SGSM3: variants seen among roughly 807,000 people sequenced by gnomAD.
SGSM3 encodes RUN and SH3 containing 3.
SGSM3 carries 96 observed loss-of-function variants against 100.5 expected under a neutral mutation model. The ratio of observed to expected loss-of-function variants is 0.96; its 90% CI spans 0.81 to 1.13. The LOEUF is 1.13. Among genes scored for constraint, SGSM3 ranks in the 50% most tolerant of loss-of-function variants. SGSM3 has a pLI of 0.00. For synonymous variants in SGSM3, 483 were observed against 422.8 expected (o/e 1.14, Z -1.75); for missense variants, 1,001 against 1,015.8 (o/e 0.99, Z 0.20).
intron 1 of SGSM3, chr22:40,376,179 T>G (rs1046272431): frequency 3.7e-4 from 2 of 5,460 alleles, no homozygotes; most frequent in Non-Finnish European, 2.8e-4. Flanking sequence ...AAATTACCAC[T>G]TTTTTTTTTT....
intron 7 of SGSM3, among the ~76,000 whole-genome samples, 172 bp from the exon 8 acceptor site, chr22:40,405,477 C>T (rs1352325333): frequency 6.6e-6 from 1 of 152,182 alleles, no homozygotes. Flanking sequence ...AGGCGCTCCC[C>T]AAGGGATGTG....
Position 40,406,530 on chromosome 22 carries a change from G to T in SGSM3, c.1053G>T (p.Leu351=), listed in dbSNP as rs773305199. 35 of 1,613,004 alleles carry T rather than the reference G, an allele frequency of 2.2e-5. No individual in the cohort carries two copies. In the Admixed American group the frequency reaches 3.0e-4, roughly 14 times the overall value. ...PSQMEDAELL[L]GVAMRLAGSL... is the part of the protein sequence containing the mutation. ...AGATGGAGGACGCGGAGCTGCTTCT[G>T]GGGGTGGCCATGCGGCTGGCCGGCT... Residue 351 remains leucine, a synonymous_variant, in exon 10 of 22, where the codon CTG becomes CTT. Transcript: ENST00000248929.
chr22:40,383,187 G>T (rs564094464), intron 1 of SGSM3, among the ~76,000 whole-genome samples: 23 of 152,222 alleles, frequency 1.5e-4, no homozygotes, highest in Middle Eastern at 3.4e-3. Flanking sequence ...AGTAGGAACG[G>T]CCGGGTGCAG....
chr22:40,391,456 A>G (rs1159734981), intron 1 of SGSM3, among the ~76,000 whole-genome samples: 1 of 152,156 alleles, frequency 6.6e-6, no homozygotes, highest in African/African-American at 2.4e-5. Context: ...AAAAAATAAA[A>G]GAAAATTAGC....
chr22:40,403,594 A>G (rs543676549), intron 4 of SGSM3, among the ~76,000 whole-genome samples: 1 of 152,220 alleles, frequency 6.6e-6, no homozygotes, highest in Non-Finnish European at 1.5e-5. Flanking sequence ...CTTTCAGACC[A>G]TGTCATTGGA....
intron 1 of SGSM3, among the ~76,000 whole-genome samples, chr22:40,386,637 G>A (rs1281111971): frequency 7.1e-6 from 1 of 140,796 alleles, no homozygotes; most frequent in African/African-American, 2.7e-5. Context: ...GCCCAGGCTG[G>A]TCTTGAACTC....
chr22:40,401,816 C>T, intron 3 of SGSM3, 141 bp downstream of exon 3: 1 of 712,942 alleles, frequency 1.4e-6, no homozygotes. Flanking sequence ...ATCTTAGCCC[C>T]ATGTTTCCTG....
chr22:40,378,092 A>G (rs1298456878), intron 1 of SGSM3: 1 of 152,214 alleles, frequency 6.6e-6, no homozygotes, highest in Non-Finnish European at 1.5e-5. Context: ...AAATTGTTCA[A>G]GCCAAGACAA....
At chr22:40,409,581 C>T (rs537314181) in intron 21 of SGSM3, 56 bp downstream of exon 21, 233 of 1,612,986 alleles carry the variant, frequency 1.4e-4, no homozygotes, top group Middle Eastern at 3.3e-4. Flanking sequence ...AAACCGTTCG[C>T]GGGGTGGCTA....
Position 40,410,110 on chromosome 22 carries a change from C to G in SGSM3, c.*351C>G, listed in dbSNP as rs1569238982. The stretch of plus-strand genomic sequence containing the variant: ...TAAACTGTGTCTGTCTTTGAGAAAG[C>G]ACCTACCTGTCTTCTGTGCAGCTAG... On this transcript the variant is annotated 3_prime_UTR_variant, in exon 22 of 22. Coordinates refer to ENST00000248929, the MANE Select transcript of SGSM3 (RefSeq NM_015705.6). 3.4e-6 allele frequency: 4 copies of G among 1,159,646 alleles called. No homozygotes were observed. Among genetic ancestry groups the G allele is most frequent in the African/African-American group, 1.6e-5 (1 of 62,598 alleles). The allele number at this position is 1,159,646 out of a possible 1,614,324, so 71.8% of individuals were successfully genotyped here. A position where few individuals can be genotyped will look rare whatever the true frequency, so the allele number is the denominator to read the frequency against.
Position 40,408,120 on chromosome 22 carries a change from G to C in SGSM3, c.1629G>C (p.Glu543Asp). 1 of 1,612,786 alleles carries C rather than the reference G, an allele frequency of 6.2e-7. No individual in the cohort carries two copies. Among genetic ancestry groups the C allele is most frequent in the Non-Finnish European group, 8.5e-7 (1 of 1,179,394 alleles). The change falls in exon 15 of 22, where the codon GAG (glutamate) becomes GAC (aspartate). Residue 543 changes from glutamate (E) to aspartate (D), a missense_variant and splice_region_variant. By Grantham distance (45) the Glu-to-Asp change is conservative (BLOSUM62 2). Transcript: ENST00000248929. ...AAGTCCTGGATGAGCGCAGCAAAGA[G>C]GTGAGGGGGGTGGGCGGGCTAGGCA... The part of the protein sequence containing the change: ...FVEVLDERSK[E>D]YSIAGDDSVT...
At chr22:40,405,546 C>T (rs887776582) in intron 7 of SGSM3, 103 bp from the exon 8 acceptor site, 4 of 1,102,790 alleles carry the variant, frequency 3.6e-6, no homozygotes, top group Non-Finnish European at 5.2e-6. Context: ...GCATGCGTGC[C>T]CCCCAAGAGG....
intron 1 of SGSM3, among the ~76,000 whole-genome samples, chr22:40,396,408 A>G (rs904044591): frequency 6.6e-6 from 1 of 152,076 alleles, no homozygotes; most frequent in Non-Finnish European, 1.5e-5. Flanking sequence ...CCTGGCCAAC[A>G]CGGCGAAACC....
intron 1 of SGSM3, chr22:40,379,505 A>T (rs550502663): frequency 6.6e-6 from 1 of 152,248 alleles, no homozygotes; most frequent in African/African-American, 2.4e-5. Context: ...TGTGGGGTGG[A>T]GGGTGACTGA....
intron 4 of SGSM3, 122 bp downstream of exon 4, chr22:40,402,327 A>G: frequency 2.6e-6 from 2 of 776,682 alleles, no homozygotes; most frequent in Admixed American, 1.9e-5. Context: ...TCCAGATTTA[A>G]GGACAGAGTG....
At chr22:40,389,600 GAAAAAAAAAA>G (rs71326802) in intron 1 of SGSM3, among the ~76,000 whole-genome samples, 21 of 33,644 alleles carry the variant, frequency 6.2e-4, no homozygotes, top group African/African-American at 2.7e-3. Context: ...CTCCGTCTCA[GAAAAAAAAAA>G]AAAAAAAAAA....
rs183186398 is a variant in SGSM3, at chr22:40,409,116, C to T, written c.1988+98C>T. ...ACAGGGAACCCTAAAGGACAAAGAA[C>T]CTCAGGGGCTCAGGTCCTTCCCCAA... On this transcript the variant is annotated intron_variant, in intron 19 of 21. Transcript: ENST00000248929. 5.8e-3 allele frequency: 9,072 copies of T among 1,552,738 alleles called. 41 individuals carry two copies. The highest frequency in any genetic ancestry group is 7.2e-3 in the Non-Finnish European group (8,310 of 1,150,278).
At chr22:40,404,764 G>A (rs2051227568) in intron 6 of SGSM3, 100 bp downstream of exon 6, 1 of 820,818 alleles carries the variant, frequency 1.2e-6, no homozygotes, top group Admixed American at 2.2e-5. Context: ...CTTGTTGTGG[G>A]GTAGGGGAGG....
intron 7 of SGSM3, 82 bp from the exon 8 acceptor site, chr22:40,405,567 T>A: frequency 1.5e-6 from 2 of 1,300,104 alleles, no homozygotes; most frequent in South Asian, 2.9e-5. Flanking sequence ...CTTTTGCTAA[T>A]TGGTCTCCCT....
Sources: gnomAD v4.1 joint callset for allele counts (sites outside exome capture counted in the v4.1 genomes callset) on GRCh38, gnomAD v4.1.1 for gene constraint, MANE v1.5 for transcripts, NCBI Gene and HGNC (gene_info 2026-07-23, HGNC 2026-07-21) for gene names.